DCC: variants seen among roughly 807,000 people sequenced by gnomAD.
The protein encoded by DCC is DCC netrin 1 receptor.
A neutral mutation model predicts 172.5 loss-of-function variants in DCC; 58 were observed. The ratio of observed to expected loss-of-function variants is 0.34; its 90% CI spans 0.27 to 0.42. The LOEUF is 0.42. DCC is among the 10% of genes least tolerant of loss of function. The pLI is 1.00. For missense variants in DCC, 1,740 were observed against 1,791.0 expected, an observed-to-expected ratio of 0.97 and a Z score of 0.51; for synonymous variants, 709 against 644.5, an observed-to-expected ratio of 1.10 and a Z score of -1.52.
intron 7 of DCC, among the ~76,000 whole-genome samples, chr18:53,099,471 G>C (rs1342868353): frequency 2.0e-5 from 3 of 152,104 alleles, no homozygotes; most frequent in Non-Finnish European, 2.9e-5. Flanking sequence ...AGCACATGGA[G>C]ATCCCCAGAA....
intron 1 of DCC, among the ~76,000 whole-genome samples, chr18:52,545,227 T>A (rs1231908054): frequency 6.6e-6 from 1 of 152,190 alleles, no homozygotes; most frequent in Non-Finnish European, 1.5e-5. Flanking sequence ...TGATAGCTTC[T>A]CCCTGGGAAC....
chr18:53,193,785 A>G (rs1308994730), intron 9 of DCC, among the ~76,000 whole-genome samples: 1 of 152,198 alleles, frequency 6.6e-6, no homozygotes, highest in Non-Finnish European at 1.5e-5. Flanking sequence ...GCAGTTCCTT[A>G]TCTTTTAAAG....
At chr18:52,623,374 G>A (rs1244133036) in intron 1 of DCC, among the ~76,000 whole-genome samples, 1 of 152,158 alleles carries the variant, frequency 6.6e-6, no homozygotes, top group Non-Finnish European at 1.5e-5. Flanking sequence ...AACTGAATCA[G>A]GAAAACAGAT....
At chr18:52,386,213 C>T (rs961826865) in intron 1 of DCC, among the ~76,000 whole-genome samples, 5 of 152,016 alleles carry the variant, frequency 3.3e-5, no homozygotes, top group Admixed American at 6.6e-5. Context: ...CTTTCTGAAC[C>T]GCTATTTCAG....
chr18:53,514,287 G>A (rs1019298887), intron 27 of DCC, among the ~76,000 whole-genome samples: 4 of 151,966 alleles, frequency 2.6e-5, no homozygotes, highest in East Asian at 1.9e-4. Flanking sequence ...GAATCTCTGG[G>A]ACGCATTCAA....
intron 13 of DCC, among the ~76,000 whole-genome samples, chr18:53,309,946 A>AG (rs1568046606): frequency 1.4e-5 from 2 of 138,224 alleles, no homozygotes. Flanking sequence ...ATATATATAC[A>AG]TGTATATATA....
chr18:53,259,624 C>G (rs1234468021), intron 12 of DCC, among the ~76,000 whole-genome samples: 2 of 152,180 alleles, frequency 1.3e-5, no homozygotes, highest in Admixed American at 1.3e-4. Context: ...CCTGACCTTT[C>G]TCTGTGGCTG....
intron 7 of DCC, among the ~76,000 whole-genome samples, chr18:53,146,811 T>C (rs888637004): frequency 6.6e-6 from 1 of 152,238 alleles, no homozygotes; most frequent in African/African-American, 2.4e-5. Context: ...TTATGGTGGA[T>C]GAACATCTGT....
At chr18:53,482,050 G>C (rs1002262717) in intron 25 of DCC, among the ~76,000 whole-genome samples, 2 of 152,068 alleles carry the variant, frequency 1.3e-5, no homozygotes, top group Non-Finnish European at 2.9e-5. Flanking sequence ...TGAAGCATTT[G>C]TGTGTTTGTG....
At chr18:52,527,381 A>G (rs913611432) in intron 1 of DCC, among the ~76,000 whole-genome samples, 3 of 152,244 alleles carry the variant, frequency 2.0e-5, no homozygotes, top group African/African-American at 4.8e-5. Flanking sequence ...TAATAAATGC[A>G]TAGCTGGTGA....
At chr18:52,623,832 G>A (rs2034524795) in intron 1 of DCC, among the ~76,000 whole-genome samples, 1 of 151,764 alleles carries the variant, frequency 6.6e-6, no homozygotes, top group South Asian at 2.1e-4. Flanking sequence ...GCAAATCTCT[G>A]TCCCTCCCTT....
At chr18:52,691,983 T>A (rs189468198) in intron 1 of DCC, among the ~76,000 whole-genome samples, 1 of 152,298 alleles carries the variant, frequency 6.6e-6, no homozygotes, top group East Asian at 1.9e-4. Context: ...TTTATTTATT[T>A]TTGTTTCCAA....
intron 13 of DCC, among the ~76,000 whole-genome samples, chr18:53,309,438 A>G (rs1001935487): frequency 9.9e-5 from 15 of 152,122 alleles, no homozygotes; most frequent in Non-Finnish European, 1.9e-4. Flanking sequence ...TAAAGACCCT[A>G]TTTCCAAATA....
intron 25 of DCC, among the ~76,000 whole-genome samples, chr18:53,470,721 AAGAG>A (rs148666364): frequency 4.0e-5 from 6 of 151,458 alleles, no homozygotes; most frequent in South Asian, 4.2e-4. Flanking sequence ...GCCAGCAGGA[AAGAG>A]AGAGAGAGAG....
intron 2 of DCC, among the ~76,000 whole-genome samples, chr18:52,792,483 CAG>C (rs944145174): frequency 5.3e-5 from 8 of 152,144 alleles, no homozygotes; most frequent in African/African-American, 1.9e-4. Flanking sequence ...GGGGTAGCCC[CAG>C]CCAGAAGTTC....
intron 5 of DCC, among the ~76,000 whole-genome samples, chr18:53,024,517 G>C (rs974552996): frequency 6.6e-6 from 1 of 152,092 alleles, no homozygotes; most frequent in Non-Finnish European, 1.5e-5. Flanking sequence ...GAGCCAAAGA[G>C]CCCATCAAAG....
intron 12 of DCC, among the ~76,000 whole-genome samples, chr18:53,273,683 A>G (rs2056773447): frequency 6.6e-6 from 1 of 150,822 alleles, no homozygotes; most frequent in Non-Finnish European, 1.5e-5. Context: ...TACACATGAC[A>G]TCTTTTTTTC....
intron 23 of DCC, among the ~76,000 whole-genome samples, chr18:53,454,198 A>T (rs1034552481): frequency 6.6e-6 from 1 of 152,166 alleles, no homozygotes; most frequent in Non-Finnish European, 1.5e-5. Context: ...ATTTTAAATC[A>T]GCCAGATATG....
At chr18:53,397,256 C>A in intron 17 of DCC, 52 bp from the exon 18 acceptor site, 1 of 1,544,446 alleles carries the variant, frequency 6.5e-7, no homozygotes, top group South Asian at 1.1e-5. Context: ...TCTTGATTTA[C>A]CAAGTTGATA....
Sources: gnomAD v4.1 joint callset for allele counts (sites outside exome capture counted in the v4.1 genomes callset) on GRCh38, gnomAD v4.1.1 for gene constraint, MANE v1.5 for transcripts, NCBI Gene and HGNC (gene_info 2026-07-23, HGNC 2026-07-21) for gene names.